The following ASCC3 variants were observed in gnomAD, a reference collection of about 807,000 sequenced individuals.
The protein encoded by ASCC3 is ASC-1 complex subunit P200.
ASCC3 carries 158 observed loss-of-function variants against 256.3 expected under a neutral mutation model. That is an observed-to-expected ratio of 0.62 (90% confidence interval 0.54 to 0.70). The LOEUF (loss-of-function observed/expected upper bound fraction) is 0.70. Ranked by LOEUF, ASCC3 falls within the 30% of genes least tolerant of loss-of-function variation. ASCC3 has a pLI of 0.00. For missense variants in ASCC3, 2,259 were observed against 2,626.0 expected (o/e 0.86, Z 3.05); for synonymous variants, 948 against 883.4 (o/e 1.07, Z -1.30).
At chr6:100,572,755 A>C (rs1582471340) in intron 36 of ASCC3, among the ~76,000 whole-genome samples, 1 of 152,304 alleles carries the variant, frequency 6.6e-6, no homozygotes, top group South Asian at 2.1e-4. Flanking sequence ...GTTGTTGTTT[A>C]AAGTACATAG....
At chr6:100,868,311 AC>A (rs1296143204) in intron 1 of ASCC3, among the ~76,000 whole-genome samples, 1 of 152,188 alleles carries the variant, frequency 6.6e-6, no homozygotes, top group Non-Finnish European at 1.5e-5. Flanking sequence ...ATACTATATT[AC>A]TACTGCCAAT....
At chr6:100,547,169 A>T (rs551053271) in intron 36 of ASCC3, among the ~76,000 whole-genome samples, 1 of 152,116 alleles carries the variant, frequency 6.6e-6, no homozygotes, top group Non-Finnish European at 1.5e-5. Flanking sequence ...CTGGGTATCC[A>T]TATGGCAAAA....
intron 30 of ASCC3, among the ~76,000 whole-genome samples, chr6:100,611,359 C>A (rs1420774305): frequency 6.6e-6 from 1 of 151,954 alleles, no homozygotes; most frequent in Non-Finnish European, 1.5e-5. Flanking sequence ...CTAGGACGGC[C>A]TATACAAATT....
chr6:100,530,267 G>C, intron 37 of ASCC3: 1 of 1,173,932 alleles, frequency 8.5e-7, no homozygotes, highest in Non-Finnish European at 1.3e-6. Context: ...AGGCCTGGAG[G>C]ACACCAACAT....
intron 10 of ASCC3, among the ~76,000 whole-genome samples, chr6:100,728,194 T>C (rs1421243934): frequency 1.3e-5 from 2 of 151,718 alleles, no homozygotes; most frequent in African/African-American, 4.8e-5. Context: ...TTGAAAATAA[T>C]GAATATATAT....
At chr6:100,651,993 C>T (rs1233356475) in intron 18 of ASCC3, among the ~76,000 whole-genome samples, 3 of 151,924 alleles carry the variant, frequency 2.0e-5, no homozygotes, top group East Asian at 1.9e-4. Flanking sequence ...GCACAATTCA[C>T]GAATTCTAAG....
chr6:100,722,735 T>C (rs903723621), intron 11 of ASCC3, among the ~76,000 whole-genome samples: 2 of 151,820 alleles, frequency 1.3e-5, no homozygotes, highest in African/African-American at 2.4e-5. Context: ...GCTTGCTTTT[T>C]CAGTGAATAA....
chr6:100,691,190 A>C (rs1003505418), intron 13 of ASCC3, among the ~76,000 whole-genome samples: 2 of 151,886 alleles, frequency 1.3e-5, no homozygotes, highest in African/African-American at 4.8e-5. Flanking sequence ...ATTATCTTAC[A>C]ATCAATTCAC....
intron 37 of ASCC3, chr6:100,530,864 G>C: frequency 1.6e-6 from 2 of 1,283,978 alleles, no homozygotes; most frequent in South Asian, 2.4e-5. Context: ...TAGACTTATG[G>C]AATAAATTTT....
intron 14 of ASCC3, among the ~76,000 whole-genome samples, chr6:100,670,083 C>T (rs1776666637): frequency 6.6e-6 from 1 of 151,670 alleles, no homozygotes; most frequent in South Asian, 2.1e-4. Flanking sequence ...ACTAAACATG[C>T]AGTTTAGTAC....
chr6:100,820,949 TAAAAATG>T (rs1771010094), intron 4 of ASCC3, among the ~76,000 whole-genome samples: 2 of 152,182 alleles, frequency 1.3e-5, no homozygotes, highest in African/African-American at 2.4e-5. Flanking sequence ...AGAAAGGCTA[TAAAAATG>T]GAAAATAGCA....
chr6:100,534,022 C>T (rs968955617), intron 37 of ASCC3, among the ~76,000 whole-genome samples: 2 of 152,156 alleles, frequency 1.3e-5, no homozygotes, highest in African/African-American at 4.8e-5. Context: ...GTGGCTCACG[C>T]CTGTAGTCCT....
At chr6:100,663,375 T>C (rs1011937219) in intron 14 of ASCC3, among the ~76,000 whole-genome samples, 24 of 152,078 alleles carry the variant, frequency 1.6e-4, no homozygotes, top group African/African-American at 5.8e-4. Flanking sequence ...CATGATGAAA[T>C]CTCACACTGT....
Position 100,848,666 on chromosome 6 carries a change from C to T in ASCC3, c.283G>A (p.Ala95Thr), listed in dbSNP as rs750124656. 7.0e-5 allele frequency: 113 copies of T among 1,613,578 alleles called. No homozygotes were observed. Among genetic ancestry groups the T allele is most frequent in the Non-Finnish European group, 9.6e-5 (113 of 1,180,012 alleles). ...NGREAIESGA[A>T]FLFMTFHLKD... ...AAGTGAAATGTCATGAAGAGAAATG[C>T]AGCCCCACTTTCAATTGCTTCTCTC... is the stretch of plus-strand genomic sequence containing the variant. Residue 95 changes from alanine (A) to threonine (T), a missense_variant, in exon 4 of 42, where the codon GCA becomes ACA. By Grantham distance (58) the Ala-to-Thr change is moderately conservative (BLOSUM62 0). Around this residue, in one of 2 missense-constraint regions of ASCC3, gnomAD observed 420 missense variants for 419.3 expected, o/e 1.00. Coordinates refer to ENST00000369162, the MANE Select transcript of ASCC3 (RefSeq NM_006828.4).
intron 4 of ASCC3, among the ~76,000 whole-genome samples, chr6:100,845,800 C>T (rs1444252064): frequency 1.3e-5 from 2 of 152,014 alleles, no homozygotes; most frequent in African/African-American, 4.8e-5. Flanking sequence ...TTAAAAAAGA[C>T]TTTAATAGCT....
At chr6:100,579,405 G>C (rs1007061039) in intron 36 of ASCC3, among the ~76,000 whole-genome samples, 43 of 152,080 alleles carry the variant, frequency 2.8e-4, no homozygotes, top group Non-Finnish European at 5.3e-4. Flanking sequence ...TCTTTTTCAT[G>C]AAATATTTGC....
chr6:100,601,824 A>G lies in ASCC3; in HGVS notation c.5289T>C (p.Leu1763=). The G allele has an allele frequency of 6.2e-7, 1 of 1,612,334 alleles. No homozygotes were observed. The highest frequency in any genetic ancestry group is 1.7e-4 in the Middle Eastern group (1 of 6,046). The change falls in exon 34 of 42, where the codon CTT becomes CTC. Residue 1763 remains leucine (L), a synonymous_variant. Coordinates refer to ENST00000369162, the MANE Select transcript of ASCC3 (RefSeq NM_006828.4). ...CTTGCACTTACCTGGGATTCATGAT[A>G]AGACGTCGGAAAAAGTAAGTCCAGG... is the stretch of plus-strand genomic sequence containing the variant. The part of the protein sequence containing the change: ...YITWTYFFRR[L]IMNPSYYNLG...
chr6:100,789,906 G>C (rs926928759), intron 8 of ASCC3, among the ~76,000 whole-genome samples: 1 of 151,870 alleles, frequency 6.6e-6, no homozygotes, highest in African/African-American at 2.4e-5. Flanking sequence ...TACCAAGAAC[G>C]TGAGACCTTA....
At chr6:100,858,560 A>C (rs1390298382) in intron 3 of ASCC3, 1 of 982,088 alleles carries the variant, frequency 1.0e-6, no homozygotes, top group Non-Finnish European at 1.2e-6. Flanking sequence ...TTCTCTACTG[A>C]ATCATGTAAT....
Sources: allele counts gnomAD v4.1 joint callset (sites outside exome capture counted in the v4.1 genomes callset), GRCh38; gene constraint gnomAD v4.1.1; regional missense constraint gnomAD v4.1.1; transcripts MANE v1.5; gene names NCBI Gene and HGNC (gene_info 2026-07-23, HGNC 2026-07-21).